Variants in NOVA2 observed in about 807,000 individuals in gnomAD.
NOVA2 encodes the protein NOVA alternative splicing regulator 2.
In NOVA2, 9 loss-of-function variants were observed where a neutral mutation model predicts 22.5. The ratio of observed to expected loss-of-function variants is 0.40; its 90% CI spans 0.24 to 0.70. NOVA2 has a LOEUF of 0.70. Among genes scored for constraint, NOVA2 ranks in the 30% least tolerant of loss-of-function variants. The pLI is 0.38. For synonymous variants in NOVA2, 318 were observed against 335.2 expected (o/e 0.95, Z 0.56); for missense variants, 383 against 682.8 (o/e 0.56, Z 4.89).
At chr19:45,963,724 G>A (rs1406622966) in intron 1 of NOVA2, among the ~76,000 whole-genome samples, 1 of 152,030 alleles carries the variant, frequency 6.6e-6, no homozygotes, top group South Asian at 2.1e-4. Flanking sequence ...TAGAGACGGG[G>A]TTTCACCATT....
At chr19:45,971,397 G>A (rs944654985) in intron 1 of NOVA2, among the ~76,000 whole-genome samples, 1 of 152,112 alleles carries the variant, frequency 6.6e-6, no homozygotes, top group African/African-American at 2.4e-5. Context: ...ACAGCAGTGG[G>A]GCAGGAAGGA....
At chr19:45,966,054 G>GAGA (rs150557609) in intron 1 of NOVA2, among the ~76,000 whole-genome samples, 9,528 of 152,186 alleles carry the variant, frequency 0.063, 945 homozygotes, top group African/African-American at 0.21. Flanking sequence ...TGAGAGGTAG[G>GAGA]AGGAGGGGTG....
Position 45,939,887 on chromosome 19 carries a change from G to C in NOVA2, c.1455C>G (p.Ala485=), listed in dbSNP as rs1182513100. The part of the protein sequence containing the change: ...QRVTYEQGVR[A]SNPQKVG ...CTCATCCCACTTTCTGGGGGTTTGA[G>C]GCCCTCACTCCCTGCTCGTAGGTGA... Residue 485 remains alanine, a synonymous_variant, in exon 4 of 4, where the codon GCC becomes GCG. Coordinates refer to ENST00000263257, the MANE Select transcript of NOVA2 (RefSeq NM_002516.4). The C allele has an allele frequency of 1.2e-6, 2 of 1,614,052 alleles. No homozygotes were observed. The highest frequency in any genetic ancestry group is 2.2e-5 in the South Asian group (2 of 91,092).
At chr19:45,956,470 CTT>C (rs34559909) in intron 2 of NOVA2, among the ~76,000 whole-genome samples, 9,233 of 148,234 alleles carry the variant, frequency 0.062, 690 homozygotes, top group East Asian at 0.17. Context: ...ATTCTAAGCA[CTT>C]TTTTTTTTTT....
intron 3 of NOVA2, among the ~76,000 whole-genome samples, chr19:45,946,584 A>G (rs1967841618): frequency 6.6e-6 from 1 of 152,200 alleles, no homozygotes; most frequent in African/African-American, 2.4e-5. Flanking sequence ...GTAAAGAGTC[A>G]TGAGGTCAGC....
chr19:45,940,808 G>A lies in NOVA2; in HGVS notation c.534C>T (p.Arg178=), dbSNP rs779209279. ...CGGGCTCGCCGCTGACCGTCACCAC[G>A]CGCTCCTGCAGGTTGATGCCCTCCG... ...QKPEGINLQE[R]VVTVSGEPEQ... Residue 178 remains arginine (R), a synonymous_variant, in exon 4 of 4, where the codon CGC becomes CGT. Coordinates refer to ENST00000263257, the MANE Select transcript of NOVA2 (RefSeq NM_002516.4). 1.9e-6 allele frequency: 3 copies of A among 1,606,490 alleles called. No individual in the cohort carries two copies. The highest frequency in any genetic ancestry group is 2.2e-5 in the South Asian group (2 of 91,076).
rs904797515 is a variant in NOVA2, at chr19:45,933,797, A to T, written c.*6066T>A. On this transcript the variant is annotated 3_prime_UTR_variant, in exon 4 of 4. Coordinates refer to ENST00000263257, the MANE Select transcript of NOVA2 (RefSeq NM_002516.4). ...TCGCCGAGGGGAAAGGGGTGGGGAA[A>T]GGGGGTGTGGTGGGGGCTGGGGTGG... The T allele has an allele frequency of 2.5e-4, 1 of 4,040 alleles. No homozygotes were observed. The highest frequency in any genetic ancestry group is 5.2e-4 in the Non-Finnish European group (1 of 1,938). 0.3% of individuals were successfully genotyped at this position (4,040 alleles called of 1,614,324 possible).
intron 3 of NOVA2, among the ~76,000 whole-genome samples, chr19:45,941,663 G>A (rs1447134379): frequency 6.6e-6 from 1 of 152,194 alleles, no homozygotes; most frequent in Non-Finnish European, 1.5e-5. Context: ...TTGACAGGCT[G>A]AGGTGGGAGG....
chr19:45,969,020 G>A (rs145167116), intron 1 of NOVA2, among the ~76,000 whole-genome samples: 43 of 152,206 alleles, frequency 2.8e-4, no homozygotes, highest in African/African-American at 9.9e-4. Flanking sequence ...TTAGCCAGGC[G>A]TGGTGGCACA....
At chr19:45,953,663 G>C (rs1210086102) in intron 3 of NOVA2, 117 bp downstream of exon 3, 1 of 1,285,218 alleles carries the variant, frequency 7.8e-7, no homozygotes, top group Non-Finnish European at 1.1e-6. Context: ...GTCTTTGACT[G>C]ATGAGATTTT....
intron 1 of NOVA2, 48 bp downstream of exon 1, chr19:45,973,219 C>T: frequency 1.8e-6 from 2 of 1,142,634 alleles, no homozygotes; most frequent in Non-Finnish European, 1.2e-6. Context: ...TGGAGAAAGG[C>T]GAGGCCCCCT....
intron 2 of NOVA2, among the ~76,000 whole-genome samples, chr19:45,955,567 G>C (rs757733085): frequency 2.0e-4 from 31 of 152,116 alleles, no homozygotes; most frequent in Non-Finnish European, 3.8e-4. Flanking sequence ...AATGTAAAAG[G>C]TCTTGAGTGT....
At chr19:45,952,159 G>A (rs1426652084) in intron 3 of NOVA2, among the ~76,000 whole-genome samples, 1 of 152,182 alleles carries the variant, frequency 6.6e-6, no homozygotes, top group Non-Finnish European at 1.5e-5. Flanking sequence ...CCTGTTTCCT[G>A]ACTCAAAAAT....
Position 45,973,862 on chromosome 19 carries a change from G to A in NOVA2, c.-511C>T, listed in dbSNP as rs1968269517. On this transcript the variant is annotated 5_prime_UTR_variant, in exon 1 of 4. Transcript: ENST00000263257. ...CTTGGCTCCCTGGGGCAAGAGGGCC[G>A]AGCCCCCCAGACCCTGCTCGGGGTG... 6.6e-6 allele frequency among the ~76,000 whole-genome samples: 1 copy of A among 151,078 alleles called. No homozygotes were observed. Among genetic ancestry groups the A allele is most frequent in the Admixed American group, 6.6e-5 (1 of 15,212 alleles).
chr19:45,960,981 C>G (rs1334466144), intron 2 of NOVA2, 29 bp downstream of exon 2: 2 of 1,561,054 alleles, frequency 1.3e-6, no homozygotes, highest in Non-Finnish European at 1.7e-6. Context: ...GGCGGGGGGC[C>G]TAGGGCAGAG....
Position 45,936,233 on chromosome 19 carries a change from T to C in NOVA2, c.*3630A>G, listed in dbSNP as rs552111533. The C allele has an allele frequency of 1.3e-5, 2 of 152,172 alleles. No individual in the cohort carries two copies. Among genetic ancestry groups the C allele is most frequent in the East Asian group, 1.9e-4 (1 of 5,180 alleles). 9.4% of individuals were successfully genotyped at this position (152,172 alleles called of 1,614,324 possible). On this transcript the variant is annotated 3_prime_UTR_variant, in exon 4 of 4. Transcript: ENST00000263257. ...GCCCCTTGGGCTAGCAGAGGAGGAGTTGAGCTTGTCTCCTCCTCCCCAGTT... is the reference window on the plus strand; with the variant it reads ...GCCCCTTGGGCTAGCAGAGGAGGAGCTGAGCTTGTCTCCTCCTCCCCAGTT...
intron 1 of NOVA2, among the ~76,000 whole-genome samples, chr19:45,963,028 C>T (rs1213648832): frequency 6.6e-6 from 1 of 152,116 alleles, no homozygotes; most frequent in Non-Finnish European, 1.5e-5. Context: ...CTCCCCTGCC[C>T]GTTGCCCCTA....
At position 45,936,537 on chromosome 19, in the gene NOVA2, G is replaced by A. The variant is rs1214347911; in HGVS notation, c.*3326C>T. On this transcript the variant is annotated 3_prime_UTR_variant, in exon 4 of 4. Transcript: ENST00000263257. ...ATCCAAGGTCCTCTCCCCCCAGAGC[G>A]GCTCAGTTCCAAGGAAGTTTGGCAC... is the stretch of plus-strand genomic sequence containing the variant. 4 of 151,690 alleles carry A rather than the reference G, an allele frequency of 2.6e-5. No homozygotes were observed. The highest frequency in any genetic ancestry group is 1.9e-4 in the East Asian group (1 of 5,188). The allele number at this position is 151,690 out of a possible 1,614,324, so 9.4% of individuals were successfully genotyped here.
At chr19:45,967,444 C>T (rs1968181552) in intron 1 of NOVA2, 1 of 152,198 alleles carries the variant, frequency 6.6e-6, no homozygotes, top group South Asian at 2.1e-4. Flanking sequence ...TGCCAGAACT[C>T]CGCACCCACC....
Sources: gnomAD v4.1 joint callset for allele counts (sites outside exome capture counted in the v4.1 genomes callset) on GRCh38, gnomAD v4.1.1 for gene constraint, MANE v1.5 for transcripts, NCBI Gene and HGNC (gene_info 2026-07-23, HGNC 2026-07-21) for gene names.